PGAP6: variants seen among roughly 807,000 people sequenced by gnomAD.
The protein encoded by PGAP6 is post-GPI attachment to proteins factor 6.
Under a neutral mutation model 68.4 loss-of-function variants are expected in PGAP6, and 62 were observed. The ratio of observed to expected loss-of-function variants is 0.91; its 90% CI spans 0.74 to 1.12. PGAP6 has a LOEUF of 1.12. Among genes scored for constraint, PGAP6 ranks in the 50% most tolerant of loss-of-function variants. PGAP6 has a pLI of 0.00. For synonymous variants in PGAP6, 575 were observed against 474.0 expected (o/e 1.21, Z -2.77); for missense variants, 1,188 against 1,068.5 (o/e 1.11, Z -1.56).
intron 1 of PGAP6, among the ~76,000 whole-genome samples, chr16:378,230 C>A (rs2054405674): frequency 6.7e-6 from 1 of 149,594 alleles, no homozygotes; most frequent in African/African-American, 2.5e-5. Context: ...ACCCTGACTG[C>A]CATCGCCACC....
At chr16:378,343 GCCACTCTGACTGCCATCC>G (rs1567325826) in intron 1 of PGAP6, among the ~76,000 whole-genome samples, 35 of 100,376 alleles carry the variant, frequency 3.5e-4, no homozygotes, top group East Asian at 5.0e-4. Flanking sequence ...CACTGCCATC[GCCACTCTGACTGCCATCC>G]CCACCCGCAC....
chr16:377,845 A>G lies in PGAP6; in HGVS notation c.125T>C (p.Val42Ala). The change falls in exon 2 of 13, where the codon GTG becomes GCG. Residue 42 changes from valine (V) to alanine (A), a missense_variant. Coordinates refer to ENST00000431232, the MANE Select transcript of PGAP6 (RefSeq NM_021259.3). ...CGAGAAGTGCTCGGACACCAGCCCC[A>G]CCTCTGTGAGGAGAAGGAGGTGTCA... The part of the protein sequence containing the change: ...ASAGYSGKSE[V>A]GLVSEHFSQA... 1.3e-6 allele frequency: 2 copies of G among 1,554,874 alleles called. No individual in the cohort carries two copies. The highest frequency in any genetic ancestry group is 1.7e-6 in the Non-Finnish European group (2 of 1,149,618).
upstream of PGAP6, chr16:382,054 G>T: frequency 2.1e-6 from 1 of 481,870 alleles, no homozygotes; most frequent in Non-Finnish European, 2.9e-6. Flanking sequence ...CGGGGGGGGC[G>T]CGGACGCCGG....
chr16:372,202 T>C lies in PGAP6; in HGVS notation c.2101A>G (p.Met701Val), dbSNP rs541217650. 125 of 1,612,504 alleles carry C rather than the reference T, an allele frequency of 7.8e-5. No homozygotes were observed. Among genetic ancestry groups the C allele is most frequent in the South Asian group, 4.4e-4 (40 of 91,080 alleles). Residue 701 changes from methionine to valine, a missense_variant, in exon 13 of 13, where the codon ATG becomes GTG. Met to Val is a conservative substitution (Grantham distance 21). Transcript: ENST00000431232. Reference sequence around the variant, plus strand: ...TAGATGGCGATGCCCACAGAGGCCATAGAGACGCCGGGCAGGAGGTAGAAG... The same window carrying C: ...TAGATGGCGATGCCCACAGAGGCCACAGAGACGCCGGGCAGGAGGTAGAAG... ...WAFYLLPGVS[M>V]ASVGIAIYTS...
chr16:373,871 T>G, intron 11 of PGAP6, 134 bp downstream of exon 11: 1 of 1,152,028 alleles, frequency 8.7e-7, no homozygotes. Flanking sequence ...GCCACCATGC[T>G]CGGCCGAGAT....
At position 371,837 on chromosome 16, in the gene PGAP6, C is replaced by T. The variant is rs756205733; in HGVS notation, c.*150G>A. The T allele has an allele frequency of 1.2e-5, 9 of 766,950 alleles. No individual in the cohort carries two copies. Among genetic ancestry groups the T allele is most frequent in the Non-Finnish European group, 1.6e-5 (8 of 486,562 alleles). The allele number at this position is 766,950 out of a possible 1,614,324, so 47.5% of individuals were successfully genotyped here. A position where few individuals can be genotyped will look rare whatever the true frequency, so the allele number is the denominator to read the frequency against. ...AGAGGTGCGTGTGAGGGAGGGGTGG[C>T]CCTCTCCTCAGTAGGAGGAAGTAAG... On this transcript the variant is annotated 3_prime_UTR_variant, in exon 13 of 13. Transcript: ENST00000431232.
upstream of PGAP6, among the ~76,000 whole-genome samples, chr16:385,638 T>TAGATGGAATCTCGCTC (rs2054478505): frequency 7.8e-6 from 1 of 128,510 alleles, no homozygotes; most frequent in African/African-American, 3.1e-5. Context: ...TTTTTTTTTT[T>TAGATGGAATCTCGCTC]TTTTGAGATG....
chr16:382,375 GA>G, upstream of PGAP6: 1 of 381,672 alleles, frequency 2.6e-6, no homozygotes, highest in Non-Finnish European at 4.6e-6. Flanking sequence ...GGACCGAGAG[GA>G]ACCCGCGCCC....
At position 374,140 on chromosome 16, in the gene PGAP6, G is replaced by T; in HGVS notation, c.1767C>A (p.Ala589=). 1 of 1,610,992 alleles carries T rather than the reference G, an allele frequency of 6.2e-7. No individual in the cohort carries two copies. The part of the protein sequence containing the change: ...YTMFFSTFYH[A]CDQPGEAVLC... ...GCACCGCCTCCCCGGGCTGGTCGCA[G>T]GCGTGGTAGAACTGTGGGGAGGCTC... The change falls in exon 11 of 13, where the codon GCC becomes GCA. Residue 589 remains alanine (A), a synonymous_variant. Transcript: ENST00000431232.
chr16:377,939 A>C, intron 1 of PGAP6, 91 bp from the exon 2 acceptor site: 2 of 1,218,426 alleles, frequency 1.6e-6, no homozygotes, highest in Non-Finnish European at 2.3e-6. Context: ...AAGGGCTGGA[A>C]GCCCCCGGGG....
rs998190203 is a variant in PGAP6 at position 371,335 on chromosome 16, G to C, written c.*652C>G. 1 of 152,548 alleles carries C rather than the reference G, an allele frequency of 6.6e-6. No homozygotes were observed. Among genetic ancestry groups the C allele is most frequent in the Non-Finnish European group, 1.5e-5 (1 of 68,502 alleles). 9.4% of individuals were successfully genotyped at this position (152,548 alleles called of 1,614,324 possible). A position where few individuals can be genotyped will look rare whatever the true frequency, so the allele number is the denominator to read the frequency against. On this transcript the variant is annotated 3_prime_UTR_variant, in exon 13 of 13. Transcript: ENST00000431232. ...TCTGGGCCAAACCCCCAGAGCAGCA[G>C]AGCACCCCAGTCCAAGGAAGCTCTT...
upstream of PGAP6, chr16:384,350 C>T (rs2054467824): frequency 6.6e-6 from 1 of 152,172 alleles, no homozygotes; most frequent in African/African-American, 2.4e-5. Flanking sequence ...GACGGAAGTC[C>T]AGAGACGTCT....
intron 1 of PGAP6, 106 bp downstream of exon 1, chr16:381,595 C>T (rs1016690586): frequency 2.1e-6 from 2 of 947,642 alleles, no homozygotes; most frequent in Non-Finnish European, 2.6e-6. Flanking sequence ...CCCCCAACCC[C>T]GCGCCGGCGC....
At chr16:382,336 CG>C (rs972481204), upstream of PGAP6, 4 of 387,482 alleles carry the variant, frequency 1.0e-5, no homozygotes, top group Non-Finnish European at 1.8e-5. Flanking sequence ...GGGGAGCCCG[CG>C]GGGGGCAGAG....
In PGAP6 at chr16:376,375, G is replaced by C. The variant is rs1238484272; in HGVS notation, c.985C>G (p.Leu329Val). 6.2e-7 allele frequency: 1 copy of C among 1,611,044 alleles called. No homozygotes were observed. ...NQSFNASSGL[L>V]SPSPDHQDLG... ...TCCTGGTGGTCGGGGCTCGGGGACA[G>C]CAGACCAGAGGAGGCATTGAAGCTC... is the stretch of plus-strand genomic sequence containing the variant. Residue 329 changes from leucine (L) to valine (V), a missense_variant, in exon 6 of 13, where the codon CTG becomes GTG. By Grantham distance (32) the Leu-to-Val change is conservative. Transcript: ENST00000431232.
rs1419133996 is a variant in PGAP6 at position 371,284 on chromosome 16, G to A, written c.*703C>T. ...GGGGGGCCCAGGAACGCTGGGGTGG[G>A]TGGACAGGGCTGGGTAGGGGTTCCT... On this transcript the variant is annotated 3_prime_UTR_variant, in exon 13 of 13. Transcript: ENST00000431232. 6.6e-6 allele frequency: 1 copy of A among 152,384 alleles called. No homozygotes were observed. 9.4% of individuals were successfully genotyped at this position (152,384 alleles called of 1,614,324 possible). A position where few individuals can be genotyped will look rare whatever the true frequency, so the allele number is the denominator to read the frequency against.
chr16:371,639 T>C lies in PGAP6; in HGVS notation c.*348A>G. ...ACAGCCTCGCCAGGGAACAGGACCA[T>C]AGGGAGTCCTTCTCCCCATCTCTAG... On this transcript the variant is annotated 3_prime_UTR_variant, in exon 13 of 13. Coordinates refer to ENST00000431232, the MANE Select transcript of PGAP6 (RefSeq NM_021259.3). 3.4e-6 allele frequency: 1 copy of C among 291,106 alleles called. No homozygotes were observed. The highest frequency in any genetic ancestry group is 3.4e-5 in the South Asian group (1 of 29,478). 18.0% of individuals were successfully genotyped at this position (291,106 alleles called of 1,614,324 possible). A position where few individuals can be genotyped will look rare whatever the true frequency, so the allele number is the denominator to read the frequency against.
chr16:372,993 G>A (rs1321827429), intron 11 of PGAP6, among the ~76,000 whole-genome samples: 4 of 152,154 alleles, frequency 2.6e-5, no homozygotes, highest in African/African-American at 7.2e-5. Context: ...CTGGACAGAC[G>A]CATATGGCCG....
intron 1 of PGAP6, 55 bp from the exon 2 acceptor site, chr16:377,903 T>A (rs1257823800): frequency 2.1e-6 from 3 of 1,462,806 alleles, no homozygotes; most frequent in Non-Finnish European, 2.8e-6. Context: ...GGGCCGCAGA[T>A]GGGGAGGACG....
Sources: gnomAD v4.1 joint callset for allele counts (sites outside exome capture counted in the v4.1 genomes callset) on GRCh38, gnomAD v4.1.1 for gene constraint, MANE v1.5 for transcripts, NCBI Gene and HGNC (gene_info 2026-07-23, HGNC 2026-07-21) for gene names.